The following SH3BP4 variants were observed in gnomAD, a reference collection of about 807,000 sequenced individuals.
The protein encoded by SH3BP4 is SH3 domain-binding protein 4.
In SH3BP4, 33 loss-of-function variants were observed where a neutral mutation model predicts 65.5. The observed-to-expected ratio is 0.50, with a 90% confidence interval of 0.38 to 0.67. The LOEUF is 0.67. SH3BP4 is among the 30% of genes least tolerant of loss of function. The probability of loss-of-function intolerance (pLI) is 0.00; values close to 1 mark genes in which losing one functional copy is unlikely to be tolerated. For synonymous variants in SH3BP4, 552 were observed against 545.5 expected, an observed-to-expected ratio of 1.01 and a Z score of -0.17; for missense variants, 1,134 against 1,261.4, an observed-to-expected ratio of 0.90 and a Z score of 1.53.
chr2:235,039,005 T>C (rs1386583444), intron 3 of SH3BP4, among the ~76,000 whole-genome samples: 2 of 152,192 alleles, frequency 1.3e-5, no homozygotes, highest in Non-Finnish European at 2.9e-5. Flanking sequence ...ACAAGTGCCT[T>C]ATCTACGTCT....
intron 2 of SH3BP4, among the ~76,000 whole-genome samples, chr2:234,999,306 T>C (rs1694026036): frequency 6.6e-6 from 1 of 152,224 alleles, no homozygotes; most frequent in South Asian, 2.1e-4. Context: ...ACTTGAGGCT[T>C]TGGGGACAAA....
In SH3BP4 at chr2:234,966,607, G is replaced by C. The variant is rs533566710; in HGVS notation, c.-207+14437G>C. Among the ~76,000 whole-genome samples, 3 of 152,310 alleles carry C rather than the reference G, an allele frequency of 2.0e-5. No individual in the cohort carries two copies. The South Asian group carries it at 6.2e-4, about 32-fold the overall frequency. On this transcript the variant is annotated intron_variant, in intron 1 of 5. Coordinates refer to ENST00000392011, the MANE Select transcript of SH3BP4 (RefSeq NM_014521.3). ...CAGTAAATCTTGTGTGTGGCACTTA[G>C]GTCTGGATATTAACCGAGGGGAATT...
intron 1 of SH3BP4, among the ~76,000 whole-genome samples, chr2:234,975,979 A>G (rs1337367781): frequency 6.6e-6 from 1 of 152,238 alleles, no homozygotes; most frequent in Non-Finnish European, 1.5e-5. Context: ...AAAAGAAGCT[A>G]TTTCTTTTCT....
intron 2 of SH3BP4, among the ~76,000 whole-genome samples, chr2:235,029,886 C>A (rs1003195908): frequency 1.3e-5 from 2 of 152,152 alleles, no homozygotes; most frequent in Non-Finnish European, 2.9e-5. Flanking sequence ...GGCTGGGAAT[C>A]AGCGGAGCTA....
chr2:234,976,785 T>C lies in SH3BP4; in HGVS notation c.-206-18518T>C, dbSNP rs938030964. Among the ~76,000 whole-genome samples, 1 of 152,064 alleles carries C rather than the reference T, an allele frequency of 6.6e-6. No homozygotes were observed. Among genetic ancestry groups the C allele is most frequent in the African/African-American group, 2.4e-5 (1 of 41,392 alleles). On this transcript the variant is annotated intron_variant, in intron 1 of 5. Coordinates refer to ENST00000392011, the MANE Select transcript of SH3BP4 (RefSeq NM_014521.3). The surrounding 1 kb of genome is among the most constrained non-coding windows in gnomAD (Gnocchi z 4.7). ...GCCGAGGGGCGTCTTACAGAATACC[T>C]AACCAGGCCTCCTCTACTGTCAAGG... is the stretch of plus-strand genomic sequence containing the variant.
At chr2:235,004,727 C>T (rs1345602162) in intron 2 of SH3BP4, among the ~76,000 whole-genome samples, 1 of 152,230 alleles carries the variant, frequency 6.6e-6, no homozygotes, top group African/African-American at 2.4e-5. Flanking sequence ...TTTATGGCTG[C>T]ATAATATTCC....
intron 1 of SH3BP4, among the ~76,000 whole-genome samples, chr2:234,964,232 T>G (rs914848131): frequency 6.6e-6 from 1 of 152,120 alleles, no homozygotes. Context: ...TGAGTTCTGG[T>G]TTTTTGTTCT....
intron 1 of SH3BP4, among the ~76,000 whole-genome samples, chr2:234,962,824 C>CA (rs1276480828): frequency 6.6e-6 from 1 of 152,000 alleles, no homozygotes; most frequent in East Asian, 1.9e-4. Flanking sequence ...CTCCTAGGTT[C>CA]AAGCGATTCT....
intron 2 of SH3BP4, among the ~76,000 whole-genome samples, chr2:235,025,004 T>G (rs1356776403): frequency 6.6e-6 from 1 of 152,074 alleles, no homozygotes; most frequent in Non-Finnish European, 1.5e-5. Flanking sequence ...TTTTTATTTC[T>G]GGTCACTGGC....
At chr2:234,990,117 A>G (rs542674715) in intron 1 of SH3BP4, among the ~76,000 whole-genome samples, 94 of 152,250 alleles carry the variant, frequency 6.2e-4, no homozygotes, top group Non-Finnish European at 1.2e-3. Context: ...TCCCATCTGC[A>G]AGATATCTCA....
In SH3BP4 at chr2:235,046,095, C is replaced by G. The variant is rs1695849564; in HGVS notation, c.2478+2848C>G. On this transcript the variant is annotated intron_variant, in intron 4 of 5. Transcript: ENST00000392011. The surrounding 1 kb of genome is among the most constrained non-coding windows in gnomAD (Gnocchi z 4.2). ...TGTGCACCCCTGCCCTGAACACACC[C>G]AGCTCGCCCGGCCTCCAGCTCCTGC... Among the ~76,000 whole-genome samples, 1 of 152,210 alleles carries G rather than the reference C, an allele frequency of 6.6e-6. No individual in the cohort carries two copies. The highest frequency in any genetic ancestry group is 1.5e-5 in the Non-Finnish European group (1 of 68,038).
At position 235,045,757 on chromosome 2, in the gene SH3BP4, C is replaced by T. The variant is rs558651143; in HGVS notation, c.2478+2510C>T. Among the ~76,000 whole-genome samples the T allele has an allele frequency of 5.3e-5, 8 of 152,260 alleles. No homozygotes were observed. The highest frequency in any genetic ancestry group is 3.3e-4 in the Admixed American group (5 of 15,292). The stretch of plus-strand genomic sequence containing the variant: ...CATCACAGGGCTGCCACGATTTCTG[C>T]GGCCTCTGCCACCGCTTTACCTGCC... On this transcript the variant is annotated intron_variant, in intron 4 of 5. Coordinates refer to ENST00000392011, the MANE Select transcript of SH3BP4 (RefSeq NM_014521.3). The surrounding 1 kb of genome is among the most constrained non-coding windows in gnomAD (Gnocchi z 4.3).
chr2:235,021,335 C>T (rs998781625), intron 2 of SH3BP4, among the ~76,000 whole-genome samples: 4 of 151,834 alleles, frequency 2.6e-5, no homozygotes, highest in South Asian at 2.1e-4. Context: ...GGAAGAGGGC[C>T]GGGTGTAGTG....
At chr2:235,028,891 A>G (rs1469464948) in intron 2 of SH3BP4, among the ~76,000 whole-genome samples, 56 of 152,164 alleles carry the variant, frequency 3.7e-4, no homozygotes, top group Non-Finnish European at 1.5e-5. Context: ...CATGGAGACC[A>G]GAAGAGTCAA....
intron 1 of SH3BP4, among the ~76,000 whole-genome samples, chr2:234,958,693 G>C (rs939957689): frequency 6.6e-6 from 1 of 151,978 alleles, no homozygotes; most frequent in African/African-American, 2.4e-5. Flanking sequence ...GAAAGATGGG[G>C]GTAGGGGGAG....
At chr2:235,044,396 C>T (rs1010214961) in intron 4 of SH3BP4, among the ~76,000 whole-genome samples, 2 of 152,374 alleles carry the variant, frequency 1.3e-5, no homozygotes, top group South Asian at 4.1e-4. Context: ...CTGGCGGTTA[C>T]CTTGGCTAGG....
At chr2:234,988,579 T>C (rs1693654282) in intron 1 of SH3BP4, among the ~76,000 whole-genome samples, 1 of 152,166 alleles carries the variant, frequency 6.6e-6, no homozygotes, top group Non-Finnish European at 1.5e-5. Flanking sequence ...TAGTGGGCCC[T>C]GTGTCTCATT....
chr2:234,967,060 C>CTTACAACCT lies in SH3BP4; in HGVS notation c.-207+14898_-207+14899insTTTACAACC, dbSNP rs568147206. 1.6e-3 allele frequency among the ~76,000 whole-genome samples: 249 copies of CTTACAACCT among 152,264 alleles called. 2 individuals are homozygous for CTTACAACCT. Among genetic ancestry groups the CTTACAACCT allele is most frequent in the African/African-American group, 5.7e-3 (235 of 41,544 alleles). Reference sequence around the variant, plus strand: ...TCCTGTGTTTTCAGCGCTTTACAACCTTACAACCATAGGAGGGGAGGGACT... The same window carrying CTTACAACCT: ...TCCTGTGTTTTCAGCGCTTTACAACCTTACAACCTTTACAACCATAGGAGGGGAGGGACT... On this transcript the variant is annotated intron_variant, in intron 1 of 5. Coordinates refer to ENST00000392011, the MANE Select transcript of SH3BP4 (RefSeq NM_014521.3). The surrounding 1 kb of genome is among the most constrained non-coding windows in gnomAD (Gnocchi z 4.6).
intron 4 of SH3BP4, among the ~76,000 whole-genome samples, chr2:235,044,499 A>G (rs1305169776): frequency 6.6e-6 from 1 of 152,172 alleles, no homozygotes; most frequent in Non-Finnish European, 1.5e-5. Context: ...GTCCACCCCT[A>G]TCCTCCGGAG....
Sources: allele counts gnomAD v4.1 joint callset (sites outside exome capture counted in the v4.1 genomes callset), GRCh38; gene constraint gnomAD v4.1.1; non-coding constraint Gnocchi (gnomAD v3.1); transcripts MANE v1.5; gene names NCBI Gene and HGNC (gene_info 2026-07-23, HGNC 2026-07-21).